The following QRFP variants were observed in gnomAD, a reference collection of about 807,000 sequenced individuals.
The protein encoded by QRFP is orexigenic neuropeptide QRFP.
In QRFP, 7 loss-of-function variants were observed where a neutral mutation model predicts 9.1. The ratio of observed to expected loss-of-function variants is 0.77; its 90% CI spans 0.44 to 1.45. The LOEUF is 1.45. Among genes scored for constraint, QRFP ranks in the 40% most tolerant of loss-of-function variants. QRFP has a pLI of 0.01. For synonymous variants in QRFP, 91 were observed against 80.2 expected (o/e 1.13, Z -0.72); for missense variants, 204 against 185.4 (o/e 1.10, Z -0.58).
rs1264671625 is a variant in QRFP at position 130,893,517 on chromosome 9, T to G, written c.322A>C (p.Thr108Pro). Reference protein sequence around the residue: ...TGFLPAAGEKTSGPLGNLAEE... With the variant: ...TGFLPAAGEKPSGPLGNLAEE... ...GCCAGGTTCCCTAACGGGCCGCTGGTCTTCTCCCCCGCAGCAGGGAGGAAG... is the reference window on the plus strand; with the variant it reads ...GCCAGGTTCCCTAACGGGCCGCTGGGCTTCTCCCCCGCAGCAGGGAGGAAG... Residue 108 changes from threonine to proline, a missense_variant, in exon 3 of 3, where the codon ACC becomes CCC. By Grantham distance (38) the Thr-to-Pro change is conservative. Coordinates refer to ENST00000623824, the MANE Select transcript of QRFP (RefSeq NM_198180.3). The G allele has an allele frequency of 6.2e-7, 1 of 1,611,866 alleles. No individual in the cohort carries two copies. The highest frequency in any genetic ancestry group is 8.5e-7 in the Non-Finnish European group (1 of 1,179,166).
At position 130,893,751 on chromosome 9, in the gene QRFP, CGT is replaced by C; in HGVS notation, c.86_87del (p.Asp29GlyfsTer67). 1 of 1,608,578 alleles carries C rather than the reference CGT, an allele frequency of 6.2e-7. No individual in the cohort carries two copies. The highest frequency in any genetic ancestry group is 1.1e-5 in the South Asian group (1 of 90,766). The stretch of plus-strand genomic sequence containing the variant: ...TCTCCAGCTCCGAGGCCACCCATGG[CGT>C]CTGTGGGCTCTCTTCTGTCCAGTAG... ...FPLLDRREPT[D>X]AMGGLGAGER... On this transcript the variant is annotated frameshift_variant, in exon 3 of 3. Transcript: ENST00000623824. LOFTEE classifies it high-confidence loss of function.
intron 1 of QRFP, among the ~76,000 whole-genome samples, 178 bp from the exon 2 acceptor site, chr9:130,896,159 C>G (rs1452022250): frequency 1.3e-5 from 2 of 152,194 alleles, no homozygotes; most frequent in Non-Finnish European, 2.9e-5. Context: ...CACCTACTGC[C>G]CAGCTTGCAG....
At position 130,895,168 on chromosome 9, in the gene QRFP, G is replaced by A. The variant is rs536286656; in HGVS notation, c.-1+529C>T. The stretch of plus-strand genomic sequence containing the variant: ...GCCAGGAAAACCTTTCCATCAGGGC[G>A]CAGGCAGAGTGGGGGCTTCCACGAG... On this transcript the variant is annotated intron_variant, in intron 2 of 2. Transcript: ENST00000623824. Among the ~76,000 whole-genome samples the A allele has an allele frequency of 2.8e-4, 43 of 152,304 alleles. No homozygotes were observed. In the South Asian group the frequency reaches 5.2e-3, roughly 18 times the overall value.
rs1029462216 is a variant in QRFP, at chr9:130,893,747, A to C, written c.92T>G (p.Met31Arg). ...LLDRREPTDA[M>R]GGLGAGERWA... is the part of the protein sequence containing the mutation. Reference sequence around the variant, plus strand: ...GCGTTCTCCAGCTCCGAGGCCACCCATGGCGTCTGTGGGCTCTCTTCTGTC... The same window carrying C: ...GCGTTCTCCAGCTCCGAGGCCACCCCTGGCGTCTGTGGGCTCTCTTCTGTC... The change falls in exon 3 of 3, where the codon ATG becomes AGG. Residue 31 changes from methionine (M) to arginine (R), a missense_variant. By Grantham distance (91) the Met-to-Arg change is moderately conservative. Coordinates refer to ENST00000623824, the MANE Select transcript of QRFP (RefSeq NM_198180.3). The C allele has an allele frequency of 2.4e-5, 38 of 1,608,996 alleles. No homozygotes were observed. The highest frequency in any genetic ancestry group is 3.2e-5 in the Non-Finnish European group (38 of 1,177,850).
In QRFP at chr9:130,896,575, AC is replaced by A. The variant is rs1831763223; in HGVS notation, c.-286+1del. On this transcript the variant is annotated splice_donor_variant, in intron 1 of 2. Coordinates refer to ENST00000623824, the MANE Select transcript of QRFP (RefSeq NM_198180.3). LOFTEE classifies it low-confidence loss of function (5UTR_SPLICE). ...CCAGGGGCCCTCACCCAGCCGACCT[AC>A]CCCTGCATCCCGGCTGCTGGGGGAT... 6.6e-6 allele frequency: 1 copy of A among 152,084 alleles called. No homozygotes were observed. The highest frequency in any genetic ancestry group is 2.4e-5 in the African/African-American group (1 of 41,368). The allele number at this position is 152,084 out of a possible 1,614,324, so 9.4% of individuals were successfully genotyped here.
In QRFP at chr9:130,893,768, C is replaced by G. The variant is rs1471040157; in HGVS notation, c.71G>C (p.Arg24Thr). ...PLGACFPLLDRREPTDAMGGL... is the reference protein window; with the variant it reads ...PLGACFPLLDTREPTDAMGGL... The stretch of plus-strand genomic sequence containing the variant: ...ACCCATGGCGTCTGTGGGCTCTCTT[C>G]TGTCCAGTAGAGGGAAGCAGGCGCC... The change falls in exon 3 of 3, where the codon AGA (arginine) becomes ACA (threonine). Residue 24 changes from arginine (R) to threonine (T), a missense_variant. By Grantham distance (71) the Arg-to-Thr change is moderately conservative. Coordinates refer to ENST00000623824, the MANE Select transcript of QRFP (RefSeq NM_198180.3). The G allele has an allele frequency of 6.3e-7, 1 of 1,599,898 alleles. No individual in the cohort carries two copies. Among genetic ancestry groups the G allele is most frequent in the East Asian group, 2.2e-5 (1 of 44,632 alleles).
Position 130,893,086 on chromosome 9 carries a change from C to T in QRFP, c.*342G>A, listed in dbSNP as rs191422015. ...ATTACCCAACTGTAAGCACTCAGCC[C>T]GCTGCCTCGCTCTGCTATTCACACT... On this transcript the variant is annotated 3_prime_UTR_variant, in exon 3 of 3. Coordinates refer to ENST00000623824, the MANE Select transcript of QRFP (RefSeq NM_198180.3). 3.0e-3 allele frequency: 656 copies of T among 216,478 alleles called. 10 individuals are homozygous for T. The highest frequency in any genetic ancestry group is 0.014 in the African/African-American group (621 of 43,812). 13.4% of individuals were successfully genotyped at this position (216,478 alleles called of 1,614,324 possible).
chr9:130,894,371 G>A (rs1049486720), intron 2 of QRFP, among the ~76,000 whole-genome samples: 5 of 152,164 alleles, frequency 3.3e-5, no homozygotes, highest in Non-Finnish European at 4.4e-5. Flanking sequence ...CACCCACCTG[G>A]GAAGGAGTGT....
At position 130,893,432 on chromosome 9, in the gene QRFP, C is replaced by T. The variant is rs144042702; in HGVS notation, c.407G>A (p.Arg136Gln). Residue 136 changes from arginine (R) to glutamine (Q), a missense_variant, in exon 3 of 3, where the codon CGG becomes CAG. Transcript: ENST00000623824. ...CTTCCAAGGCGTCCTGGCCCTTCAC[C>T]GCCGACCGAAGCGGAAGCTGAAGCC... ...KGGFSFRFGR[R>Q] is the part of the protein sequence containing the mutation. The T allele has an allele frequency of 7.2e-5, 113 of 1,579,824 alleles. No homozygotes were observed. The South Asian group carries it at 1.1e-3, about 15-fold the overall frequency.
intron 2 of QRFP, among the ~76,000 whole-genome samples, chr9:130,894,663 C>T (rs993740931): frequency 1.3e-5 from 2 of 152,232 alleles, no homozygotes; most frequent in East Asian, 1.9e-4. Flanking sequence ...GGGGTGGTGT[C>T]GGTCTCAAAC....
chr9:130,893,870 G>A, intron 2 of QRFP, 32 bp from the exon 3 acceptor site: 1 of 1,487,048 alleles, frequency 6.7e-7, no homozygotes, highest in Non-Finnish European at 8.9e-7. Flanking sequence ...CAGAGTGACA[G>A]GCTGCACACG....
At position 130,893,532 on chromosome 9, in the gene QRFP, C is replaced by T. The variant is rs528930812; in HGVS notation, c.307G>A (p.Ala103Thr). The change falls in exon 3 of 3, where the codon GCT becomes ACT. Residue 103 changes from alanine to threonine, a missense_variant. Coordinates refer to ENST00000623824, the MANE Select transcript of QRFP (RefSeq NM_198180.3). ...GGGCCGCTGGTCTTCTCCCCCGCAGCAGGGAGGAAGCCGGTGGCCTCACTG... is the reference window on the plus strand; with the variant it reads ...GGGCCGCTGGTCTTCTCCCCCGCAGTAGGGAGGAAGCCGGTGGCCTCACTG... ...EGSEATGFLP[A>T]AGEKTSGPLG... 4.3e-6 allele frequency: 7 copies of T among 1,612,620 alleles called. No individual in the cohort carries two copies. In the East Asian group the frequency reaches 1.3e-4, roughly 31 times the overall value.
Position 130,893,315 on chromosome 9 carries a change from A to G in QRFP, c.*113T>C. 8.5e-7 allele frequency: 1 copy of G among 1,183,202 alleles called. No individual in the cohort carries two copies. The allele number at this position is 1,183,202 out of a possible 1,614,324, so 73.3% of individuals were successfully genotyped here. A position where few individuals can be genotyped will look rare whatever the true frequency, so the allele number is the denominator to read the frequency against. On this transcript the variant is annotated 3_prime_UTR_variant, in exon 3 of 3. Coordinates refer to ENST00000623824, the MANE Select transcript of QRFP (RefSeq NM_198180.3). Reference sequence around the variant, plus strand: ...TGTCCTACCATGGATCGTTCATCGTAACCAAGCCTACATCATCTGGGTGTC... The same window carrying G: ...TGTCCTACCATGGATCGTTCATCGTGACCAAGCCTACATCATCTGGGTGTC...
Position 130,893,824 on chromosome 9 carries a change from G to T in QRFP, c.15C>A (p.Tyr5Ter), listed in dbSNP as rs769201938. Reference sequence around the variant, plus strand: ...GCAGGAAGAGGAAGTAGATCAGGGGGTAAGGCCTTACCATCTGACCCAGAG... The same window carrying T: ...GCAGGAAGAGGAAGTAGATCAGGGGTTAAGGCCTTACCATCTGACCCAGAG... The part of the protein sequence containing the change: MVRP[Y>*]PLIYFLFLPL... Residue 5 changes from tyrosine (Y) to a stop codon, truncating the protein, a stop_gained, in exon 3 of 3, where the codon TAC (tyrosine) becomes TAA (stop). Coordinates refer to ENST00000623824, the MANE Select transcript of QRFP (RefSeq NM_198180.3). LOFTEE classifies it high-confidence loss of function. 1.4e-5 allele frequency: 22 copies of T among 1,532,964 alleles called. No individual in the cohort carries two copies. Among genetic ancestry groups the T allele is most frequent in the Non-Finnish European group, 1.9e-5 (22 of 1,140,152 alleles). The allele number at this position is 1,532,964 out of a possible 1,614,324, so 95.0% of individuals were successfully genotyped here. A position where few individuals can be genotyped will look rare whatever the true frequency, so the allele number is the denominator to read the frequency against.
intron 2 of QRFP, among the ~76,000 whole-genome samples, chr9:130,895,390 C>T (rs1474607123): frequency 6.6e-6 from 1 of 152,220 alleles, no homozygotes; most frequent in Non-Finnish European, 1.5e-5. Flanking sequence ...TCATGCACCC[C>T]TTCAAGAATC....
rs896017124 is a variant in QRFP, at chr9:130,893,106, C to G, written c.*322G>C. 1 of 256,056 alleles carries G rather than the reference C, an allele frequency of 3.9e-6. No homozygotes were observed. Among genetic ancestry groups the G allele is most frequent in the Non-Finnish European group, 7.4e-6 (1 of 135,788 alleles). 15.9% of individuals were successfully genotyped at this position (256,056 alleles called of 1,614,324 possible). On this transcript the variant is annotated 3_prime_UTR_variant, in exon 3 of 3. Coordinates refer to ENST00000623824, the MANE Select transcript of QRFP (RefSeq NM_198180.3). Reference sequence around the variant, plus strand: ...CAGCCCGCTGCCTCGCTCTGCTATTCACACTCATGGCCCAGCCACAGCCTC... The same window carrying G: ...CAGCCCGCTGCCTCGCTCTGCTATTGACACTCATGGCCCAGCCACAGCCTC...
In QRFP at chr9:130,893,680, CCACACGGA is replaced by C; in HGVS notation, c.151_158del (p.Ser51GlyfsTer43). 1 of 1,607,178 alleles carries C rather than the reference CCACACGGA, an allele frequency of 6.2e-7. No individual in the cohort carries two copies. Among genetic ancestry groups the C allele is most frequent in the South Asian group, 1.1e-5 (1 of 90,862 alleles). The stretch of plus-strand genomic sequence containing the variant: ...AAGCTCTCAGCCACCGAGAGGAACC[CCACACGGA>C]GTGGGGTCGGGGCCCCATGGCCAGG... On this transcript the variant is annotated frameshift_variant, in exon 3 of 3. Coordinates refer to ENST00000623824, the MANE Select transcript of QRFP (RefSeq NM_198180.3). LOFTEE classifies it high-confidence loss of function.
intron 1 of QRFP, among the ~76,000 whole-genome samples, chr9:130,896,229 C>T (rs938535874): frequency 1.3e-5 from 2 of 152,212 alleles, no homozygotes; most frequent in African/African-American, 2.4e-5. Flanking sequence ...TCACAGGCAC[C>T]GGGCTGCGCG....
intron 2 of QRFP, among the ~76,000 whole-genome samples, chr9:130,895,222 C>T (rs1403995379): frequency 1.3e-5 from 2 of 152,220 alleles, no homozygotes; most frequent in Non-Finnish European, 2.9e-5. Context: ...CCAGCCCATT[C>T]CCTCCTCCCC....
Sources: allele counts gnomAD v4.1 joint callset (sites outside exome capture counted in the v4.1 genomes callset), GRCh38; gene constraint gnomAD v4.1.1; transcripts MANE v1.5; gene names NCBI Gene and HGNC (gene_info 2026-07-23, HGNC 2026-07-21).